The following ABTB3 variants were observed in gnomAD, a reference collection of about 807,000 sequenced individuals.
ABTB3 encodes the protein ankyrin repeat and BTB domain containing 3.
At chr12:107,477,368 C>T in the ABTB3 span, among the ~76,000 whole-genome samples, 2 of 152,180 alleles carry the variant, frequency 1.3e-5, no homozygotes, top group Admixed American at 6.5e-5. Context: ...AGCTGTATTT[C>T]TCAGGGTGGG....
chr12:107,343,940 A>T, the ABTB3 span, among the ~76,000 whole-genome samples: 10 of 151,930 alleles, frequency 6.6e-5, no homozygotes, highest in African/African-American at 2.4e-4. Flanking sequence ...GCCTCCCTTG[A>T]CTCCTGGGGA....
At chr12:107,484,452 C>T in the ABTB3 span, among the ~76,000 whole-genome samples, 5 of 152,252 alleles carry the variant, frequency 3.3e-5, no homozygotes, top group East Asian at 1.9e-4. Flanking sequence ...GACTAGGATG[C>T]GTCAGGCAGA....
the ABTB3 span, among the ~76,000 whole-genome samples, chr12:107,402,466 T>C: frequency 6.6e-6 from 1 of 152,178 alleles, no homozygotes; most frequent in Non-Finnish European, 1.5e-5. Flanking sequence ...GTTTTGAGGA[T>C]AAAGTGAAGT....
At chr12:107,544,168 T>C in the ABTB3 span, 3 of 1,606,924 alleles carry the variant, frequency 1.9e-6, no homozygotes, top group Non-Finnish European at 2.6e-6. Flanking sequence ...TGCCTTGTGG[T>C]GGGTGGGTAC....
the ABTB3 span, among the ~76,000 whole-genome samples, chr12:107,371,742 A>G: frequency 6.6e-6 from 1 of 152,212 alleles, no homozygotes; most frequent in Non-Finnish European, 1.5e-5. Context: ...TCACTCTTCA[A>G]GATCCATTTC....
chr12:107,597,423 C>T, the ABTB3 span, among the ~76,000 whole-genome samples: 6 of 152,266 alleles, frequency 3.9e-5, no homozygotes, highest in African/African-American at 1.2e-4. Flanking sequence ...AGTCATCCCA[C>T]GGCGGAAGGG....
the ABTB3 span, among the ~76,000 whole-genome samples, chr12:107,448,004 C>A: frequency 1.3e-5 from 2 of 152,128 alleles, no homozygotes; most frequent in African/African-American, 4.8e-5. Flanking sequence ...CTAAGCTGGG[C>A]CAAGCATGGG....
the ABTB3 span, among the ~76,000 whole-genome samples, chr12:107,655,034 C>T: frequency 1.3e-5 from 2 of 152,090 alleles, no homozygotes; most frequent in African/African-American, 4.8e-5. Flanking sequence ...ACCATGGTCA[C>T]TCAAATTGCC....
the ABTB3 span, among the ~76,000 whole-genome samples, chr12:107,594,110 G>A: frequency 2.0e-5 from 3 of 152,190 alleles, no homozygotes; most frequent in African/African-American, 7.2e-5. Flanking sequence ...AATTAGAGGT[G>A]ACTCCTTCTC....
the ABTB3 span, among the ~76,000 whole-genome samples, chr12:107,326,916 C>T: frequency 1.1e-4 from 16 of 152,318 alleles, no homozygotes; most frequent in Middle Eastern, 3.4e-3. Flanking sequence ...GGATTAGGTC[C>T]TGATTCTTCT....
chr12:107,487,585 A>G, the ABTB3 span, among the ~76,000 whole-genome samples: 12 of 152,212 alleles, frequency 7.9e-5, no homozygotes, highest in East Asian at 2.3e-3. Flanking sequence ...CCATGATTCC[A>G]CTTAAGGAGG....
chr12:107,361,798 C>T, the ABTB3 span, among the ~76,000 whole-genome samples: 25 of 152,136 alleles, frequency 1.6e-4, no homozygotes, highest in African/African-American at 6.0e-4. Context: ...GTTTGTGTCC[C>T]ACCCCGCCAC....
At chr12:107,413,091 C>CG in the ABTB3 span, among the ~76,000 whole-genome samples, 1 of 151,592 alleles carries the variant, frequency 6.6e-6, no homozygotes, top group Non-Finnish European at 1.5e-5. Context: ...TGGCTAACAC[C>CG]GTGAAACCCT....
chr12:107,554,365 A>G, the ABTB3 span, among the ~76,000 whole-genome samples: 1 of 151,976 alleles, frequency 6.6e-6, no homozygotes, highest in South Asian at 2.1e-4. Flanking sequence ...TTTTTATTCT[A>G]GAGCCAGAAT....
chr12:107,355,236 T>A, the ABTB3 span, among the ~76,000 whole-genome samples: 25 of 152,230 alleles, frequency 1.6e-4, no homozygotes, highest in African/African-American at 5.8e-4. Flanking sequence ...GGGCTCACCG[T>A]CTATGAGCTG....
the ABTB3 span, among the ~76,000 whole-genome samples, chr12:107,337,639 G>A: frequency 1.3e-5 from 2 of 152,206 alleles, no homozygotes; most frequent in Non-Finnish European, 2.9e-5. Flanking sequence ...TGTAGGGGCT[G>A]AGGTTCCCAC....
At chr12:107,337,695 T>C in the ABTB3 span, among the ~76,000 whole-genome samples, 1 of 152,192 alleles carries the variant, frequency 6.6e-6, no homozygotes, top group South Asian at 2.1e-4. Flanking sequence ...TTAACTGTGT[T>C]GGCCACATAC....
At chr12:107,319,667 A>G in the ABTB3 span, 2 of 1,536,512 alleles carry the variant, frequency 1.3e-6, no homozygotes, top group Admixed American at 3.9e-5. Flanking sequence ...CTGCATGGAG[A>G]GCCTCTTCCG....
the ABTB3 span, among the ~76,000 whole-genome samples, chr12:107,586,867 T>C: frequency 0.013 from 1,968 of 152,244 alleles, 45 homozygotes; most frequent in African/African-American, 0.043. Context: ...GAGAGGTCAG[T>C]AGAGATCTAG....
Sources: gnomAD v4.1 joint callset for allele counts (sites outside exome capture counted in the v4.1 genomes callset) on GRCh38, gnomAD v4.1.1 for gene constraint, MANE v1.5 for transcripts, NCBI Gene and HGNC (gene_info 2026-07-23, HGNC 2026-07-21) for gene names.